The following TTLL5 variants were observed in gnomAD, a reference collection of about 807,000 sequenced individuals.
TTLL5 encodes tubulin polyglutamylase TTLL5.
TTLL5 carries 132 observed loss-of-function variants against 168.4 expected under a neutral mutation model. The observed-to-expected ratio is 0.78, with a 90% confidence interval of 0.68 to 0.91. The LOEUF (loss-of-function observed/expected upper bound fraction) is 0.91, where lower values mean the gene tolerates loss of function less well. Ranked by LOEUF, TTLL5 falls within the 40% of genes least tolerant of loss-of-function variation. The pLI is 0.00. For synonymous variants in TTLL5, 546 were observed against 558.6 expected (o/e 0.98, Z 0.32); for missense variants, 1,545 against 1,581.5 (o/e 0.98, Z 0.39).
chr14:75,804,353 G>A (rs552799305), intron 27 of TTLL5, among the ~76,000 whole-genome samples: 3 of 152,258 alleles, frequency 2.0e-5, no homozygotes, highest in South Asian at 4.1e-4. Flanking sequence ...TTCTGCTTCC[G>A]CAGCTAACAC....
chr14:75,751,434 C>A (rs1194618121), intron 17 of TTLL5, among the ~76,000 whole-genome samples: 3 of 152,172 alleles, frequency 2.0e-5, no homozygotes, highest in African/African-American at 4.8e-5. Flanking sequence ...AATAAGGATT[C>A]TTTGAACACA....
intron 28 of TTLL5, among the ~76,000 whole-genome samples, chr14:75,852,183 T>C (rs1758765702): frequency 1.3e-5 from 2 of 152,176 alleles, no homozygotes; most frequent in Admixed American, 1.3e-4. Context: ...AGTCACTGCA[T>C]TGCTGCCTCC....
chr14:75,829,639 A>C (rs1206537889), intron 28 of TTLL5, among the ~76,000 whole-genome samples: 1 of 152,152 alleles, frequency 6.6e-6, no homozygotes, highest in Non-Finnish European at 1.5e-5. Context: ...CACAATTCAA[A>C]AAAGATACTA....
chr14:75,805,133 C>T (rs1893577171), intron 27 of TTLL5, among the ~76,000 whole-genome samples: 4 of 152,162 alleles, frequency 2.6e-5, no homozygotes, highest in Admixed American at 2.6e-4. Context: ...TCTCAAAGGC[C>T]ACTCATGACC....
intron 31 of TTLL5, among the ~76,000 whole-genome samples, chr14:75,949,433 C>CTATA (rs560166360): frequency 8.9e-6 from 1 of 112,180 alleles, no homozygotes; most frequent in Non-Finnish European, 1.8e-5. Flanking sequence ...TATATATATT[C>CTATA]TATATATATA....
At chr14:75,845,129 T>G (rs175901) in intron 28 of TTLL5, among the ~76,000 whole-genome samples, 21,354 of 152,202 alleles carry the variant, frequency 0.14, 2,030 homozygotes, top group East Asian at 0.4. Flanking sequence ...TAGCCAGTTG[T>G]TCCCTTCTCT....
At chr14:75,680,717 C>T (rs773956301) in intron 3 of TTLL5, among the ~76,000 whole-genome samples, 53 of 151,336 alleles carry the variant, frequency 3.5e-4, no homozygotes, top group African/African-American at 9.0e-4. Flanking sequence ...ATCCACCTCC[C>T]GGGTTCAAGT....
chr14:75,874,802 G>C (rs1338852077), intron 29 of TTLL5, among the ~76,000 whole-genome samples: 1 of 152,016 alleles, frequency 6.6e-6, no homozygotes, highest in Non-Finnish European at 1.5e-5. Flanking sequence ...GTAACAACCT[G>C]AATGTGTGTG....
At chr14:75,765,570 A>G (rs533630982) in intron 19 of TTLL5, among the ~76,000 whole-genome samples, 48 of 152,258 alleles carry the variant, frequency 3.2e-4, no homozygotes, top group African/African-American at 1.1e-3. Context: ...GTTTTAGAAT[A>G]TGTAACATTA....
chr14:75,764,206 T>C, intron 18 of TTLL5, among the ~76,000 whole-genome samples: 1 of 152,232 alleles, frequency 6.6e-6, no homozygotes, highest in Non-Finnish European at 1.5e-5. Flanking sequence ...ATTTATAAAA[T>C]GCTGAGTAAG....
chr14:75,667,030 A>T (rs1883310510), intron 2 of TTLL5, among the ~76,000 whole-genome samples: 1 of 150,968 alleles, frequency 6.6e-6, no homozygotes, highest in Non-Finnish European at 1.5e-5. Flanking sequence ...CTTGGTGGGA[A>T]TATGTTTTTC....
Position 75,745,138 on chromosome 14 carries a change from T to A in TTLL5, c.1325T>A (p.Leu442His). Reference sequence around the variant, plus strand: ...GCCAGTGATGCGGAAATGAAAAACCTCGTGGGCTCAGCCCGGGAGAAAGGG... The same window carrying A: ...GCCAGTGATGCGGAAATGAAAAACCACGTGGGCTCAGCCCGGGAGAAAGGG... The part of the protein sequence containing the change: ...LSASDAEMKN[L>H]VGSAREKGPG... Residue 442 changes from leucine (L) to histidine (H), a missense_variant, in exon 16 of 32, where the codon CTC (leucine) becomes CAC (histidine). Physicochemically the swap from Leu to His is moderately conservative, Grantham distance 99 (BLOSUM62 -3). Transcript: ENST00000298832. The A allele has an allele frequency of 6.2e-7, 1 of 1,614,012 alleles. No homozygotes were observed. Among genetic ancestry groups the A allele is most frequent in the Non-Finnish European group, 8.5e-7 (1 of 1,179,904 alleles).
chr14:75,919,197 CAAAAAAAAA>C (rs10655974), intron 31 of TTLL5, among the ~76,000 whole-genome samples: 33 of 56,112 alleles, frequency 5.9e-4, no homozygotes, highest in Admixed American at 9.1e-4. Context: ...AAGACCGTCT[CAAAAAAAAA>C]AAAAAAAAAA....
chr14:75,758,113 A>T (rs1384269459), intron 18 of TTLL5, among the ~76,000 whole-genome samples: 2 of 152,188 alleles, frequency 1.3e-5, no homozygotes, highest in Admixed American at 6.5e-5. Context: ...TAGCTGTGTG[A>T]GAGAGAGTAT....
chr14:75,892,349 A>G (rs142553270), intron 30 of TTLL5, among the ~76,000 whole-genome samples: 1 of 152,368 alleles, frequency 6.6e-6, no homozygotes, highest in Non-Finnish European at 1.5e-5. Context: ...ACGAGAATCA[A>G]TGAATGAAGC....
At chr14:75,935,741 G>A (rs2034415651) in intron 31 of TTLL5, among the ~76,000 whole-genome samples, 1 of 152,192 alleles carries the variant, frequency 6.6e-6, no homozygotes, top group East Asian at 1.9e-4. Context: ...AAAAAGGGGA[G>A]GAGGAATATA....
chr14:75,805,108 A>T (rs145716645), intron 27 of TTLL5, among the ~76,000 whole-genome samples: 2 of 151,932 alleles, frequency 1.3e-5, no homozygotes. Flanking sequence ...CATCTCTTAC[A>T]TTTGTCCATC....
chr14:75,873,459 A>G (rs554621971), intron 29 of TTLL5, among the ~76,000 whole-genome samples: 2 of 152,270 alleles, frequency 1.3e-5, no homozygotes, highest in South Asian at 2.1e-4. Context: ...GCCTCTGACA[A>G]TCACCATTCT....
chr14:75,723,319 C>A (rs1427204459), intron 12 of TTLL5, among the ~76,000 whole-genome samples: 1 of 152,128 alleles, frequency 6.6e-6, no homozygotes, highest in Non-Finnish European at 1.5e-5. Flanking sequence ...ATGATTGGCA[C>A]TTGCTTTAAT....
Sources: gnomAD v4.1 joint callset for allele counts (sites outside exome capture counted in the v4.1 genomes callset) on GRCh38, gnomAD v4.1.1 for gene constraint, MANE v1.5 for transcripts, NCBI Gene and HGNC (gene_info 2026-07-23, HGNC 2026-07-21) for gene names.